The following CDH13 variants were observed in gnomAD, a reference collection of about 807,000 sequenced individuals.
The protein encoded by CDH13 is cadherin-13.
CDH13 carries 24 observed loss-of-function variants against 63.8 expected under a neutral mutation model. That is an observed-to-expected ratio of 0.38 (90% CI 0.27 to 0.53). The LOEUF is 0.53. Among genes scored for constraint, CDH13 ranks in the 20% least tolerant of loss-of-function variants. The pLI is 0.85. For missense variants in CDH13, 1,049 were observed against 903.1 expected (o/e 1.16, Z -2.07); for synonymous variants, 503 against 355.3 (o/e 1.42, Z -4.67).
intron 6 of CDH13, among the ~76,000 whole-genome samples, chr16:83,430,243 C>G (rs889676305): frequency 2.6e-5 from 4 of 152,208 alleles, no homozygotes; most frequent in Non-Finnish European, 4.4e-5. Flanking sequence ...CATGCACTCT[C>G]TTTTCCAGTT....
At chr16:83,618,733 G>T (rs1212802147) in intron 8 of CDH13, among the ~76,000 whole-genome samples, 1 of 139,824 alleles carries the variant, frequency 7.2e-6, no homozygotes, top group South Asian at 2.3e-4. Flanking sequence ...TTCCCTATCG[G>T]TCAAGTAAAA....
chr16:82,704,705 A>C (rs1025810167), intron 1 of CDH13, among the ~76,000 whole-genome samples: 3 of 152,224 alleles, frequency 2.0e-5, no homozygotes, highest in Non-Finnish European at 2.9e-5. Flanking sequence ...AGAGCTAAGG[A>C]TATGCCGTCA....
chr16:82,815,482 C>G (rs2037659803), intron 1 of CDH13, among the ~76,000 whole-genome samples: 1 of 152,144 alleles, frequency 6.6e-6, no homozygotes, highest in African/African-American at 2.4e-5. Context: ...GTGCTCAGAA[C>G]AATGCGTGGA....
intron 3 of CDH13, among the ~76,000 whole-genome samples, chr16:83,055,052 A>G (rs2030775909): frequency 1.3e-5 from 2 of 152,108 alleles, no homozygotes; most frequent in South Asian, 2.1e-4. Context: ...GGATCCCCAC[A>G]TATTTAGAAA....
chr16:83,633,087 A>G (rs1467803674), intron 8 of CDH13, among the ~76,000 whole-genome samples: 1 of 152,158 alleles, frequency 6.6e-6, no homozygotes, highest in African/African-American at 2.4e-5. Flanking sequence ...TGGTTTTGGT[A>G]GGTTTTGGCC....
At chr16:82,769,506 G>A (rs971257924) in intron 1 of CDH13, among the ~76,000 whole-genome samples, 3 of 152,184 alleles carry the variant, frequency 2.0e-5, no homozygotes, top group South Asian at 4.1e-4. Context: ...TGGAGGCCAC[G>A]TTGAACCTCT....
chr16:82,857,957 A>G (rs1445702442), intron 1 of CDH13, among the ~76,000 whole-genome samples: 3 of 152,202 alleles, frequency 2.0e-5, no homozygotes, highest in African/African-American at 7.2e-5. Flanking sequence ...CCAACAGAAT[A>G]GTTCCATTTT....
chr16:83,175,995 ATTTTTGTTTTTG>A (rs947340248), intron 4 of CDH13, among the ~76,000 whole-genome samples: 14 of 150,366 alleles, frequency 9.3e-5, no homozygotes, highest in African/African-American at 2.9e-4. Context: ...TGCCTGGCTA[ATTTTTGTTTTTG>A]TTTTTGTTTT....
At chr16:83,527,322 G>A (rs1442898676) in intron 7 of CDH13, among the ~76,000 whole-genome samples, 3 of 151,496 alleles carry the variant, frequency 2.0e-5, no homozygotes, top group African/African-American at 7.3e-5. Flanking sequence ...GGTGGCAGGT[G>A]CCTGTAGTCC....
intron 4 of CDH13, among the ~76,000 whole-genome samples, chr16:83,141,640 G>A (rs889358773): frequency 2.0e-5 from 3 of 152,186 alleles, no homozygotes; most frequent in Admixed American, 6.5e-5. Context: ...TGTGCATTAG[G>A]TATTTGTCCT....
At chr16:82,729,890 T>G (rs2033308475) in intron 1 of CDH13, among the ~76,000 whole-genome samples, 1 of 152,238 alleles carries the variant, frequency 6.6e-6, no homozygotes, top group African/African-American at 2.4e-5. Context: ...ACATCAGCTC[T>G]TGCTGCTTCA....
chr16:83,477,523 A>G (rs1174277183), intron 6 of CDH13, among the ~76,000 whole-genome samples: 1 of 152,170 alleles, frequency 6.6e-6, no homozygotes, highest in African/African-American at 2.4e-5. Flanking sequence ...AGGAGTATAT[A>G]TATCTCGTGC....
intron 2 of CDH13, among the ~76,000 whole-genome samples, chr16:82,988,709 C>A (rs1053971411): frequency 2.6e-5 from 4 of 150,956 alleles, no homozygotes; most frequent in Admixed American, 2.6e-4. Flanking sequence ...TTGCAGTGAG[C>A]CAAGATCGCA....
At chr16:83,058,102 G>A (rs571549301) in intron 3 of CDH13, among the ~76,000 whole-genome samples, 2 of 152,022 alleles carry the variant, frequency 1.3e-5, no homozygotes, top group Admixed American at 6.6e-5. Context: ...AATATAAATC[G>A]TTAAATGTCA....
At chr16:83,022,500 C>T (rs535748039) in intron 2 of CDH13, among the ~76,000 whole-genome samples, 8 of 152,292 alleles carry the variant, frequency 5.3e-5, no homozygotes, top group South Asian at 4.1e-4. Context: ...AAATAAACAA[C>T]GTGTAGAGCA....
At chr16:83,253,262 G>A (rs950827325) in intron 5 of CDH13, among the ~76,000 whole-genome samples, 4 of 152,146 alleles carry the variant, frequency 2.6e-5, no homozygotes, top group Non-Finnish European at 2.9e-5. Flanking sequence ...TTTGTTGGGG[G>A]TGGGACTCCC....
intron 2 of CDH13, among the ~76,000 whole-genome samples, chr16:83,020,200 G>A (rs952964819): frequency 2.0e-5 from 3 of 152,174 alleles, no homozygotes; most frequent in East Asian, 1.9e-4. Flanking sequence ...CATTGTTCTG[G>A]CTTGTAGCCC....
chr16:83,080,716 A>G (rs1190334016), intron 3 of CDH13, among the ~76,000 whole-genome samples: 1 of 151,994 alleles, frequency 6.6e-6, no homozygotes, highest in Non-Finnish European at 1.5e-5. Context: ...TATCCCTCAG[A>G]ACATAGAGGC....
At chr16:83,574,060 G>A (rs1426869053) in intron 7 of CDH13, among the ~76,000 whole-genome samples, 5 of 152,028 alleles carry the variant, frequency 3.3e-5, no homozygotes, top group Non-Finnish European at 5.9e-5. Flanking sequence ...TAAGCGCCGT[G>A]CCCCTCAATT....
Sources: allele counts gnomAD v4.1 joint callset (sites outside exome capture counted in the v4.1 genomes callset), GRCh38; gene constraint gnomAD v4.1.1; transcripts MANE v1.5; gene names NCBI Gene and HGNC (gene_info 2026-07-23, HGNC 2026-07-21).